Variants in ATF7IP2 observed in about 807,000 individuals in gnomAD.
ATF7IP2 encodes the protein activating transcription factor 7 interacting protein 2, also known as activating transcription factor 7-interacting protein 2.
A neutral mutation model predicts 64.2 loss-of-function variants in ATF7IP2; 42 were observed. That is an observed-to-expected ratio of 0.65 (90% CI 0.51 to 0.85). The LOEUF is 0.85. ATF7IP2 is among the 40% of genes least tolerant of loss of function. The probability of loss-of-function intolerance (pLI) is 0.00; values close to 1 mark genes in which losing one functional copy is unlikely to be tolerated. For synonymous variants in ATF7IP2, 308 were observed against 272.8 expected, an observed-to-expected ratio of 1.13 and a Z score of -1.27; for missense variants, 933 against 784.2, an observed-to-expected ratio of 1.19 and a Z score of -2.27.
At chr16:10,478,719 C>G (rs2050101239) in intron 12 of ATF7IP2, among the ~76,000 whole-genome samples, 1 of 152,128 alleles carries the variant, frequency 6.6e-6, no homozygotes, top group African/African-American at 2.4e-5. Context: ...GAACAGGCAA[C>G]CTACAAAATG....
At chr16:10,438,833 TCA>T (rs1056600804) in intron 7 of ATF7IP2, among the ~76,000 whole-genome samples, 17 of 152,054 alleles carry the variant, frequency 1.1e-4, no homozygotes, top group African/African-American at 4.1e-4. Flanking sequence ...GGTGGGCGGA[TCA>T]CAAGGTCAAG....
chr16:10,404,997 G>A (rs184187901), intron 1 of ATF7IP2, among the ~76,000 whole-genome samples: 2 of 152,250 alleles, frequency 1.3e-5, no homozygotes, highest in Admixed American at 6.5e-5. Flanking sequence ...AGAAGCAAAT[G>A]GTGAGGGAAT....
In ATF7IP2 at chr16:10,480,961, C is replaced by CCAGG; in HGVS notation, c.1633_1635+1dup. On this transcript the variant is annotated frameshift_variant, in exon 13 of 14. Transcript: ENST00000562102. LOFTEE classifies it high-confidence loss of function. ...CAACCCCATTGGCACAAAATGCAGT[C>CCAGG]CAGGTACTGAATCAAAGTGCTCTGT... 1 of 1,600,152 alleles carries CCAGG rather than the reference C, an allele frequency of 6.2e-7. No individual in the cohort carries two copies. The highest frequency in any genetic ancestry group is 1.1e-5 in the South Asian group (1 of 90,714).
chr16:10,463,662 G>A (rs887944107), intron 9 of ATF7IP2, among the ~76,000 whole-genome samples: 1 of 152,052 alleles, frequency 6.6e-6, no homozygotes, highest in African/African-American at 2.4e-5. Context: ...GAAAACGTGA[G>A]GTAGAACTCC....
At chr16:10,416,588 T>A (rs183138661) in intron 2 of ATF7IP2, among the ~76,000 whole-genome samples, 27 of 151,662 alleles carry the variant, frequency 1.8e-4, no homozygotes, top group Non-Finnish European at 4.4e-5. Context: ...AGGCCAGGAG[T>A]TCAAGACCAG....
Position 10,431,069 on chromosome 16 carries a change from A to C in ATF7IP2, c.449A>C (p.Asn150Thr), listed in dbSNP as rs1273474716. 1.2e-6 allele frequency: 2 copies of C among 1,614,178 alleles called. No individual in the cohort carries two copies. Among genetic ancestry groups the C allele is most frequent in the Admixed American group, 3.3e-5 (2 of 60,028 alleles). Reference protein sequence around the residue: ...TSENDSEHQTNVTRSLFEHEG... With the variant: ...TSENDSEHQTTVTRSLFEHEG... ...GAAAACGATTCTGAGCATCAGACAA[A>C]TGTAACAAGATCCCTTTTTGAGCAT... Residue 150 changes from asparagine (N) to threonine (T), a missense_variant, in exon 5 of 14, where the codon AAT becomes ACT. Transcript: ENST00000562102.
At chr16:10,435,277 A>G (rs2048382172) in intron 6 of ATF7IP2, among the ~76,000 whole-genome samples, 1 of 152,230 alleles carries the variant, frequency 6.6e-6, no homozygotes, top group African/African-American at 2.4e-5. Context: ...TTGAGGTTTC[A>G]TAAGGAGCAT....
intron 3 of ATF7IP2, among the ~76,000 whole-genome samples, chr16:10,426,936 T>A (rs1481165010): frequency 6.6e-6 from 1 of 151,166 alleles, no homozygotes; most frequent in Non-Finnish European, 1.5e-5. Context: ...CACTGCAACC[T>A]CCATCTCCCG....
intron 5 of ATF7IP2, 107 bp from the exon 6 acceptor site, chr16:10,433,418 T>A: frequency 9.7e-7 from 1 of 1,025,732 alleles, no homozygotes; most frequent in Non-Finnish European, 1.4e-6. Context: ...TAAGCCACCC[T>A]CCCTCCTTAG....
chr16:10,423,712 A>G (rs1040041454), intron 3 of ATF7IP2, among the ~76,000 whole-genome samples: 7 of 152,138 alleles, frequency 4.6e-5, no homozygotes, highest in African/African-American at 9.7e-5. Context: ...CTGGCCGACA[A>G]ACCTGCTCTG....
intron 8 of ATF7IP2, among the ~76,000 whole-genome samples, chr16:10,452,298 G>C (rs543379468): frequency 1.3e-5 from 2 of 152,250 alleles, no homozygotes; most frequent in African/African-American, 4.8e-5. Flanking sequence ...CTTCGGATGG[G>C]GTCTCTGAGT....
intron 6 of ATF7IP2, among the ~76,000 whole-genome samples, chr16:10,434,437 A>C (rs1021942539): frequency 6.6e-6 from 1 of 152,220 alleles, no homozygotes; most frequent in Non-Finnish European, 1.5e-5. Context: ...CTACCCTGCA[A>C]ACTGTTTCAG....
At chr16:10,387,371 C>T (rs2047222729) in intron 1 of ATF7IP2, 1 of 152,242 alleles carries the variant, frequency 6.6e-6, no homozygotes, top group Admixed American at 6.5e-5. Flanking sequence ...ATTTACTTCA[C>T]TCTCAGTCTT....
chr16:10,436,402 A>T (rs1596505806), intron 6 of ATF7IP2, among the ~76,000 whole-genome samples: 1 of 144,836 alleles, frequency 6.9e-6, no homozygotes, highest in South Asian at 2.2e-4. Flanking sequence ...TTTTTTTTTT[A>T]AATAATACAT....
intron 1 of ATF7IP2, among the ~76,000 whole-genome samples, chr16:10,409,495 AT>A (rs35989281): frequency 2.0e-5 from 3 of 149,572 alleles, no homozygotes; most frequent in East Asian, 2.0e-4. Context: ...TCCTTGATCC[AT>A]TTTTTTTTTA....
In ATF7IP2 at chr16:10,430,764, C is replaced by A; in HGVS notation, c.144C>A (p.Ser48Arg). The A allele has an allele frequency of 6.2e-7, 1 of 1,612,022 alleles. No individual in the cohort carries two copies. The highest frequency in any genetic ancestry group is 1.1e-5 in the South Asian group (1 of 90,880). The change falls in exon 5 of 14, where the codon AGC becomes AGA. Residue 48 changes from serine to arginine, a missense_variant. Coordinates refer to ENST00000562102, the MANE Select transcript of ATF7IP2 (RefSeq NM_001393719.1). ...LKTAIGSNVP[S>R]GNQSFSPSVI... ...CAGCAATTGGGAGTAATGTTCCAAG[C>A]GGTAATCAGAGTTTCAGTCCTAGTG...
At chr16:10,386,283 G>C (rs2047201599) in intron 1 of ATF7IP2, 161 bp downstream of exon 1, 1 of 152,258 alleles carries the variant, frequency 6.6e-6, no homozygotes, top group Non-Finnish European at 1.5e-5. Context: ...AGCGTCCGCG[G>C]GGCCGTCTGA....
intron 9 of ATF7IP2, among the ~76,000 whole-genome samples, chr16:10,461,305 A>G (rs2049367533): frequency 6.6e-6 from 1 of 152,152 alleles, no homozygotes; most frequent in Non-Finnish European, 1.5e-5. Flanking sequence ...TATCAAAGAT[A>G]TGAATATCCT....
rs1323927804 is a variant in ATF7IP2 at position 10,430,772 on chromosome 16, A to G, written c.152A>G (p.Gln51Arg). The G allele has an allele frequency of 1.2e-6, 2 of 1,607,144 alleles. No individual in the cohort carries two copies. Among genetic ancestry groups the G allele is most frequent in the African/African-American group, 1.4e-5 (1 of 72,666 alleles). The change falls in exon 5 of 14, where the codon CAG becomes CGG. Residue 51 changes from glutamine (Q) to arginine (R), a missense_variant. Gln to Arg is a conservative substitution (Grantham distance 43, BLOSUM62 1). Transcript: ENST00000562102. ...GGGAGTAATGTTCCAAGCGGTAATC[A>G]GAGTTTCAGTCCTAGTGTCATAACT... is the stretch of plus-strand genomic sequence containing the variant. Reference protein sequence around the residue: ...AIGSNVPSGNQSFSPSVITRT... With the variant: ...AIGSNVPSGNRSFSPSVITRT...
Sources: gnomAD v4.1 joint callset for allele counts (sites outside exome capture counted in the v4.1 genomes callset) on GRCh38, gnomAD v4.1.1 for gene constraint, MANE v1.5 for transcripts, NCBI Gene and HGNC (gene_info 2026-07-23, HGNC 2026-07-21) for gene names.